SND1: variants seen among roughly 807,000 people sequenced by gnomAD.
The protein encoded by SND1 is staphylococcal nuclease domain-containing protein 1.
SND1 carries 38 observed loss-of-function variants against 121.7 expected under a neutral mutation model. That is an observed-to-expected ratio of 0.31 (90% CI 0.24 to 0.41). The LOEUF is 0.41. Among genes scored for constraint, SND1 ranks in the 10% least tolerant of loss-of-function variants. The pLI, the probability that SND1 is intolerant of heterozygous loss-of-function variation, is 1.00. For synonymous variants in SND1, 401 were observed against 447.4 expected, an observed-to-expected ratio of 0.90 and a Z score of 1.31; for missense variants, 868 against 1,184.6, an observed-to-expected ratio of 0.73 and a Z score of 3.92.
intron 12 of SND1, among the ~76,000 whole-genome samples, chr7:127,872,937 A>G (rs1020346465): frequency 2.6e-5 from 4 of 152,102 alleles, no homozygotes; most frequent in Non-Finnish European, 4.4e-5. Flanking sequence ...CCTACATCAC[A>G]TTTACCTTGT....
At chr7:127,704,635 G>A (rs1433767726) in intron 7 of SND1, among the ~76,000 whole-genome samples, 8 of 152,116 alleles carry the variant, frequency 5.3e-5, no homozygotes, top group Non-Finnish European at 1.5e-5. Flanking sequence ...CGAAGCCAAG[G>A]CTATTGAAAG....
intron 1 of SND1, among the ~76,000 whole-genome samples, chr7:127,667,450 AG>A (rs1313830634): frequency 2.6e-5 from 4 of 152,182 alleles, no homozygotes; most frequent in African/African-American, 9.7e-5. Flanking sequence ...CATTTTACTC[AG>A]GGGCACAGTG....
intron 2 of SND1, 92 bp from the exon 3 acceptor site, chr7:127,694,736 C>G (rs1562981174): frequency 6.8e-7 from 1 of 1,481,298 alleles, no homozygotes. Flanking sequence ...GGTAGGTACT[C>G]AGACATTTAC....
chr7:127,708,603 G>A (rs1360704275), intron 9 of SND1, among the ~76,000 whole-genome samples: 9 of 151,550 alleles, frequency 5.9e-5, no homozygotes, highest in East Asian at 1.9e-4. Flanking sequence ...CCGCCCCACC[G>A]CCCCGAGAGT....
Position 128,029,617 on chromosome 7 carries a change from C to G in SND1, c.1779+38561C>G. 6.2e-7 allele frequency: 1 copy of G among 1,614,042 alleles called. No homozygotes were observed. The highest frequency in any genetic ancestry group is 8.5e-7 in the Non-Finnish European group (1 of 1,180,016). On this transcript the variant is annotated intron_variant, in intron 16 of 23. Coordinates refer to ENST00000354725, the MANE Select transcript of SND1 (RefSeq NM_014390.4). This position sits in a 1 kb window ranked among gnomAD's most constrained non-coding sequence, Gnocchi z 4.2. ...CACTGGAAGGAGGCCTGGTCCACCT[C>G]CACGAGGTAGCGGCCTCGCATGTGC...
intron 15 of SND1, among the ~76,000 whole-genome samples, chr7:127,984,154 TAA>T: frequency 6.6e-6 from 1 of 152,208 alleles, no homozygotes; most frequent in Admixed American, 6.5e-5. Context: ...TGTGGCCACA[TAA>T]CTTTCCTAGA....
intron 11 of SND1, among the ~76,000 whole-genome samples, chr7:127,828,306 A>G (rs1316919142): frequency 6.6e-6 from 1 of 151,810 alleles, no homozygotes; most frequent in Non-Finnish European, 1.5e-5. Context: ...CGCAAATTTC[A>G]TTTCTATTTC....
At chr7:127,897,505 T>G (rs1279669351) in intron 13 of SND1, among the ~76,000 whole-genome samples, 1 of 152,052 alleles carries the variant, frequency 6.6e-6, no homozygotes, top group Non-Finnish European at 1.5e-5. Context: ...ATGGAGAATA[T>G]ATGTGGGTAG....
At chr7:127,753,579 A>G (rs1361061915) in intron 10 of SND1, among the ~76,000 whole-genome samples, 1 of 152,144 alleles carries the variant, frequency 6.6e-6, no homozygotes, top group Non-Finnish European at 1.5e-5. Context: ...CGAAGTAAGC[A>G]AGAGAGGCTC....
rs542880058 is a variant in SND1 at position 128,052,852 on chromosome 7, A to T, written c.1780-21650A>T. Among the ~76,000 whole-genome samples the T allele has an allele frequency of 2.0e-5, 3 of 152,316 alleles. No homozygotes were observed. Among genetic ancestry groups the T allele is most frequent in the African/African-American group, 7.2e-5 (3 of 41,572 alleles). On this transcript the variant is annotated intron_variant, in intron 16 of 23. Coordinates refer to ENST00000354725, the MANE Select transcript of SND1 (RefSeq NM_014390.4). The surrounding 1 kb of genome is among the most constrained non-coding windows in gnomAD (Gnocchi z 4.6). The stretch of plus-strand genomic sequence containing the variant: ...CAGAAAAATTATAGTTAAGAAAATT[A>T]TGTGAAAAGACCAATAGTCAGCCCT...
rs73450977 is a variant in SND1, at chr7:127,708,458, T to G, written c.1038+811T>G. Among the ~76,000 whole-genome samples, 619 of 151,302 alleles carry G rather than the reference T, an allele frequency of 4.1e-3. 1 individual carries two copies. The highest frequency in any genetic ancestry group is 0.014 in the African/African-American group (559 of 41,268). ...CCCTTCCTTCCTGGCTGAAGAGAGA[T>G]AAATGCATTTTCAACTTACAGCATT... On this transcript the variant is annotated intron_variant, in intron 9 of 23. Transcript: ENST00000354725.
intron 15 of SND1, among the ~76,000 whole-genome samples, chr7:127,946,353 C>A (rs1259050648): frequency 1.3e-5 from 2 of 152,160 alleles, no homozygotes; most frequent in Non-Finnish European, 2.9e-5. Context: ...AAGTCCTAAG[C>A]CAGTTATTAC....
intron 15 of SND1, among the ~76,000 whole-genome samples, chr7:127,943,785 G>T (rs1284865399): frequency 6.6e-6 from 1 of 152,198 alleles, no homozygotes; most frequent in Non-Finnish European, 1.5e-5. Flanking sequence ...ATTTGGTAAC[G>T]TTTAGAAATT....
chr7:127,904,897 C>T, intron 14 of SND1, 78 bp downstream of exon 14: 1 of 938,490 alleles, frequency 1.1e-6, no homozygotes, highest in East Asian at 2.4e-5. Flanking sequence ...AGGACTTCAG[C>T]TTATGTATTT....
intron 15 of SND1, among the ~76,000 whole-genome samples, chr7:127,935,831 G>A (rs377575704): frequency 1.9e-4 from 29 of 152,202 alleles, no homozygotes; most frequent in Non-Finnish European, 4.0e-4. Flanking sequence ...TGATTCTCAA[G>A]GGGAAAGTCA....
intron 1 of SND1, among the ~76,000 whole-genome samples, chr7:127,655,594 A>G (rs1562968809): frequency 6.6e-6 from 1 of 152,262 alleles, no homozygotes; most frequent in Non-Finnish European, 1.5e-5. Flanking sequence ...AGATAAATAC[A>G]TGTCTTCTAT....
intron 16 of SND1, among the ~76,000 whole-genome samples, chr7:128,022,335 A>G (rs1328721139): frequency 6.6e-6 from 1 of 152,234 alleles, no homozygotes; most frequent in Non-Finnish European, 1.5e-5. Context: ...CTGAGTGTAC[A>G]GAATGAACAA....
chr7:127,708,677 T>C (rs1352247666), intron 9 of SND1, among the ~76,000 whole-genome samples: 1 of 152,168 alleles, frequency 6.6e-6, no homozygotes, highest in African/African-American at 2.4e-5. Flanking sequence ...TCCTTGGTGG[T>C]ATCAGCAGTG....
At chr7:127,689,293 T>G (rs1795872380) in intron 2 of SND1, among the ~76,000 whole-genome samples, 1 of 152,256 alleles carries the variant, frequency 6.6e-6, no homozygotes, top group African/African-American at 2.4e-5. Context: ...TTCAGCATTT[T>G]TCACATTTTG....
Sources: allele counts gnomAD v4.1 joint callset (sites outside exome capture counted in the v4.1 genomes callset), GRCh38; gene constraint gnomAD v4.1.1; non-coding constraint Gnocchi (gnomAD v3.1); transcripts MANE v1.5; gene names NCBI Gene and HGNC (gene_info 2026-07-23, HGNC 2026-07-21).